CYP2W1: variants seen among roughly 807,000 people sequenced by gnomAD.
CYP2W1 encodes cytochrome P450 2W1.
CYP2W1 carries 51 observed loss-of-function variants against 44.9 expected under a neutral mutation model. The ratio of observed to expected loss-of-function variants is 1.14; its 90% CI spans 0.91 to 1.43. CYP2W1 has a LOEUF of 1.43. Among genes scored for constraint, CYP2W1 ranks in the 40% most tolerant of loss-of-function variants. The pLI is 0.00. For missense variants in CYP2W1, 746 were observed against 700.0 expected (o/e 1.07, Z -0.74); for synonymous variants, 383 against 338.3 (o/e 1.13, Z -1.45).
At position 988,798 on chromosome 7, in the gene CYP2W1, C is replaced by G. The variant is rs766412759; in HGVS notation, c.1449C>G (p.Ala483=). The change falls in exon 9 of 9, where the codon GCC becomes GCG. Residue 483 remains alanine, a synonymous_variant. Coordinates refer to ENST00000308919, the MANE Select transcript of CYP2W1 (RefSeq NM_017781.3). The part of the protein sequence containing the change: ...RAFTMRPRAQ[A]LCAVPRP ...TTACCATGAGGCCGAGGGCCCAGGCCCTGTGTGCGGTGCCCAGGCCCTAGG... is the reference window on the plus strand; with the variant it reads ...TTACCATGAGGCCGAGGGCCCAGGCGCTGTGTGCGGTGCCCAGGCCCTAGG... 2.5e-6 allele frequency: 4 copies of G among 1,590,114 alleles called. No homozygotes were observed. The East Asian group carries it at 9.0e-5, about 36-fold the overall frequency.
intron 8 of CYP2W1, 43 bp from the exon 9 acceptor site, chr7:988,592 C>A: frequency 1.2e-6 from 2 of 1,600,018 alleles, no homozygotes; most frequent in Non-Finnish European, 8.5e-7. Flanking sequence ...CCTCCAGGAG[C>A]AGGCCTGGTG....
At position 983,296 on chromosome 7, in the gene CYP2W1, G is replaced by A; in HGVS notation, c.85G>A (p.Ala29Thr). Residue 29 changes from alanine (A) to threonine (T), a missense_variant, in exon 1 of 9, where the codon GCC becomes ACC. Coordinates refer to ENST00000308919, the MANE Select transcript of CYP2W1 (RefSeq NM_017781.3). ...CACAQDPSPA[A>T]RWPPGPRPLP... ...CTGCGCCCAAGACCCCTCCCCAGCT[G>A]CCCGGTGGCCCCCGGGGCCTCGCCC... 1.3e-6 allele frequency: 2 copies of A among 1,542,920 alleles called. No individual in the cohort carries two copies. Among genetic ancestry groups the A allele is most frequent in the Non-Finnish European group, 1.7e-6 (2 of 1,145,318 alleles).
Position 985,099 on chromosome 7 carries a change from G to A in CYP2W1, c.487G>A (p.Gly163Ser). 6.2e-7 allele frequency: 1 copy of A among 1,611,750 alleles called. No homozygotes were observed. The highest frequency in any genetic ancestry group is 8.5e-7 in the Non-Finnish European group (1 of 1,179,486). ...CTCTGGGCAGCTGGATGGCTACAGA[G>A]GTGAGCAGGGGGCCGGGGACGCCCC... Reference protein sequence around the residue: ...CLSGQLDGYRGRPFPLALLGW... With the variant: ...CLSGQLDGYRSRPFPLALLGW... The change falls in exon 3 of 9, where the codon GGC becomes AGC. Residue 163 changes from glycine (G) to serine (S), a missense_variant and splice_region_variant. By Grantham distance (56) the Gly-to-Ser change is moderately conservative (BLOSUM62 0). Coordinates refer to ENST00000308919, the MANE Select transcript of CYP2W1 (RefSeq NM_017781.3).
At chr7:986,526 C>A in intron 4 of CYP2W1, 98 bp from the exon 5 acceptor site, 1 of 1,414,752 alleles carries the variant, frequency 7.1e-7, no homozygotes, top group East Asian at 2.3e-5. Context: ...ACCCAGAGTC[C>A]CTGGGCGTGA....
At chr7:984,669 G>A (rs1848190363) in intron 2 of CYP2W1, 95 bp downstream of exon 2, 1 of 1,474,832 alleles carries the variant, frequency 6.8e-7, no homozygotes, top group Admixed American at 2.5e-5. Context: ...AGGCTCCCAG[G>A]GTGGCCTGGG....
chr7:988,445 G>A (rs1321223757), intron 8 of CYP2W1, 27 bp downstream of exon 8: 3 of 1,611,438 alleles, frequency 1.9e-6, no homozygotes, highest in Non-Finnish European at 1.7e-6. Context: ...GCCGGGGTGG[G>A]GCGGCACCTC....
In CYP2W1 at chr7:986,963, C is replaced by T; in HGVS notation, c.820-144C>T. Reference sequence around the variant, plus strand: ...CTCCTTGTCTGTGAAACGGGGCATCCATAGTGCCTGCCTCGGGGACGCTGA... The same window carrying T: ...CTCCTTGTCTGTGAAACGGGGCATCTATAGTGCCTGCCTCGGGGACGCTGA... On this transcript the variant is annotated intron_variant, in intron 5 of 8. Coordinates refer to ENST00000308919, the MANE Select transcript of CYP2W1 (RefSeq NM_017781.3). 6.0e-6 allele frequency: 8 copies of T among 1,328,542 alleles called. No individual in the cohort carries two copies. The South Asian group carries it at 1.1e-4, about 18-fold the overall frequency. 82.3% of individuals were successfully genotyped at this position (1,328,542 alleles called of 1,614,324 possible). A position where few individuals can be genotyped will look rare whatever the true frequency, so the allele number is the denominator to read the frequency against.
rs575348526 is a variant in CYP2W1 at position 989,546 on chromosome 7, C to A, written c.*724C>A. ...CTGTAATCCCAGCACTTTGGGAGGC[C>A]GAGGCAGGCGAATCACGAGGTCAGG... On this transcript the variant is annotated 3_prime_UTR_variant, in exon 9 of 9. Transcript: ENST00000308919. 1.3e-5 allele frequency: 2 copies of A among 152,936 alleles called. No homozygotes were observed. Among genetic ancestry groups the A allele is most frequent in the Non-Finnish European group, 2.9e-5 (2 of 68,638 alleles). 9.5% of individuals were successfully genotyped at this position (152,936 alleles called of 1,614,324 possible).
At chr7:985,457 A>G in intron 4 of CYP2W1, 134 bp downstream of exon 4, 1 of 1,054,492 alleles carries the variant, frequency 9.5e-7, no homozygotes, top group Non-Finnish European at 1.3e-6. Flanking sequence ...ATCAGATGCA[A>G]GGGCCTGAAT....
chr7:988,657 G>T lies in CYP2W1; in HGVS notation c.1308G>T (p.Glu436Asp). 6.2e-7 allele frequency: 1 copy of T among 1,601,636 alleles called. No individual in the cohort carries two copies. Residue 436 changes from glutamate to aspartate, a missense_variant, in exon 9 of 9, where the codon GAG becomes GAT. Physicochemically the swap from Glu to Asp is conservative, Grantham distance 45 (BLOSUM62 2). Coordinates refer to ENST00000308919, the MANE Select transcript of CYP2W1 (RefSeq NM_017781.3). ...CAGGCCGCCGCGTCTGTGTTGGGGA[G>T]CGCCTGGCCAGGACCGAGCTCTTCC... Reference protein sequence around the residue: ...FSAGRRVCVGERLARTELFLL... With the variant: ...FSAGRRVCVGDRLARTELFLL...
chr7:986,407 C>G (rs1848346805), intron 4 of CYP2W1: 1 of 598,590 alleles, frequency 1.7e-6, no homozygotes, highest in South Asian at 2.0e-5. Context: ...CTGTGCAAAC[C>G]TGCCTGGCTG....
Position 983,476 on chromosome 7 carries a change from C to T in CYP2W1, c.174+91C>T. 2.4e-6 allele frequency: 3 copies of T among 1,256,272 alleles called. No homozygotes were observed. In the South Asian group the frequency reaches 5.5e-5, roughly 23 times the overall value. The allele number at this position is 1,256,272 out of a possible 1,614,324, so 77.8% of individuals were successfully genotyped here. On this transcript the variant is annotated intron_variant, in intron 1 of 8. Transcript: ENST00000308919. ...GGGAAGCCCAGCCCGGTTTCCACTG[C>T]CTGTTCCCACATGGTGCCGGGCCCA...
In CYP2W1 at chr7:985,064, T is replaced by C. The variant is rs758985825; in HGVS notation, c.452T>C (p.Leu151Pro). 2 of 1,612,454 alleles carry C rather than the reference T, an allele frequency of 1.2e-6. No homozygotes were observed. Among genetic ancestry groups the C allele is most frequent in the Non-Finnish European group, 1.7e-6 (2 of 1,179,804 alleles). ...EPVADKILQELKCLSGQLDGY... is the reference protein window; with the variant it reads ...EPVADKILQEPKCLSGQLDGY... Reference sequence around the variant, plus strand: ...GTGGCTGACAAGATTCTGCAGGAGCTGAAATGCCTCTCTGGGCAGCTGGAT... The same window carrying C: ...GTGGCTGACAAGATTCTGCAGGAGCCGAAATGCCTCTCTGGGCAGCTGGAT... Residue 151 changes from leucine to proline, a missense_variant, in exon 3 of 9, where the codon CTG becomes CCG. By Grantham distance (98) the Leu-to-Pro change is moderately conservative. Transcript: ENST00000308919.
chr7:986,460 G>C (rs1848352643), intron 4 of CYP2W1, 164 bp from the exon 5 acceptor site: 3 of 757,606 alleles, frequency 4.0e-6, no homozygotes, highest in African/African-American at 1.8e-5. Context: ...GGCAGTTCCT[G>C]GTCCTCCCTT....
At chr7:984,835 G>C in intron 2 of CYP2W1, 115 bp from the exon 3 acceptor site, 1 of 1,388,190 alleles carries the variant, frequency 7.2e-7, no homozygotes, top group Non-Finnish European at 9.7e-7. Flanking sequence ...GGGGATGGGG[G>C]TGAGGGCCCA....
intron 4 of CYP2W1, among the ~76,000 whole-genome samples, chr7:985,994 G>A (rs1848313768): frequency 6.6e-6 from 1 of 152,138 alleles, no homozygotes; most frequent in African/African-American, 2.4e-5. Context: ...CTGCCTGCTG[G>A]TGGAGCCAGG....
At position 988,962 on chromosome 7, in the gene CYP2W1, G is replaced by A. The variant is rs1848616365; in HGVS notation, c.*140G>A. 5 of 603,360 alleles carry A rather than the reference G, an allele frequency of 8.3e-6. No individual in the cohort carries two copies. Among genetic ancestry groups the A allele is most frequent in the South Asian group, 2.1e-5 (1 of 47,776 alleles). The allele number at this position is 603,360 out of a possible 1,614,324, so 37.4% of individuals were successfully genotyped here. On this transcript the variant is annotated 3_prime_UTR_variant, in exon 9 of 9. Transcript: ENST00000308919. Reference sequence around the variant, plus strand: ...CCACCCTCACCCCCACCCCCACAGGGTCAGCAACTGCTTCCGGTTACACCC... The same window carrying A: ...CCACCCTCACCCCCACCCCCACAGGATCAGCAACTGCTTCCGGTTACACCC...
At chr7:985,750 G>A (rs1848292030) in intron 4 of CYP2W1, among the ~76,000 whole-genome samples, 1 of 152,172 alleles carries the variant, frequency 6.6e-6, no homozygotes, top group Admixed American at 6.6e-5. Context: ...ATTTCATTTA[G>A]CTTCAAAATG....
Position 987,413 on chromosome 7 carries a change from A to G in CYP2W1, c.1025A>G (p.Gln342Arg). The G allele has an allele frequency of 6.3e-7, 1 of 1,594,580 alleles. No homozygotes were observed. Among genetic ancestry groups the G allele is most frequent in the Non-Finnish European group, 8.5e-7 (1 of 1,177,792 alleles). The part of the protein sequence containing the change: ...PGRTPRLEDQ[Q>R]ALPYTSAVLH... ...CGGACTCCCCGGCTGGAGGACCAGC[A>G]GGCTCTGCCCTACACAAGCGCCGTG... Residue 342 changes from glutamine (Q) to arginine (R), a missense_variant, in exon 7 of 9, where the codon CAG (glutamine) becomes CGG (arginine). Gln to Arg is a conservative substitution (Grantham distance 43, BLOSUM62 1). Transcript: ENST00000308919.
Sources: allele counts gnomAD v4.1 joint callset (sites outside exome capture counted in the v4.1 genomes callset), GRCh38; gene constraint gnomAD v4.1.1; transcripts MANE v1.5; gene names NCBI Gene and HGNC (gene_info 2026-07-23, HGNC 2026-07-21).